Variants in SPINK9 observed in about 807,000 individuals in gnomAD.
SPINK9 encodes the protein serine protease inhibitor Kazal-type 9.
In SPINK9, 3 loss-of-function variants were observed where a neutral mutation model predicts 10.8. The ratio of observed to expected loss-of-function variants is 0.28; its 90% confidence interval spans 0.13 to 0.72. The LOEUF (loss-of-function observed/expected upper bound fraction) is 0.72, where lower values mean the gene tolerates loss of function less well. Ranked by LOEUF, SPINK9 falls within the 30% of genes least tolerant of loss-of-function variation. The pLI is 0.74. For synonymous variants in SPINK9, 30 were observed against 31.2 expected, an observed-to-expected ratio of 0.96 and a Z score of 0.12; for missense variants, 101 against 103.2, an observed-to-expected ratio of 0.98 and a Z score of 0.09.
chr5:148,326,848 A>G (rs924686904), intron 2 of SPINK9, among the ~76,000 whole-genome samples: 1 of 151,590 alleles, frequency 6.6e-6, no homozygotes, highest in Admixed American at 6.6e-5. Flanking sequence ...TGAACTCATC[A>G]TTTTTTATGG....
chr5:148,325,659 A>C (rs542602401), intron 2 of SPINK9, among the ~76,000 whole-genome samples: 53 of 152,254 alleles, frequency 3.5e-4, no homozygotes, highest in African/African-American at 1.2e-3. Flanking sequence ...AGTGTCTCAT[A>C]AGATACATGA....
At chr5:148,330,128 A>G (rs994296373) in intron 2 of SPINK9, among the ~76,000 whole-genome samples, 1 of 152,002 alleles carries the variant, frequency 6.6e-6, no homozygotes, top group Non-Finnish European at 1.5e-5. Context: ...CATTATTATT[A>G]TGTGGGAGTC....
intron 2 of SPINK9, among the ~76,000 whole-genome samples, chr5:148,338,075 C>T (rs768001420): frequency 1.3e-5 from 2 of 152,076 alleles, no homozygotes; most frequent in Non-Finnish European, 2.9e-5. Context: ...ACATTTCACA[C>T]TTGCATTCAT....
upstream of SPINK9, among the ~76,000 whole-genome samples, chr5:148,330,876 A>G (rs192201952): frequency 3.9e-5 from 6 of 152,048 alleles, no homozygotes; most frequent in East Asian, 1.2e-3. Flanking sequence ...TGGGCGTAGG[A>G]CCCTCCGAGC....
At chr5:148,335,836 G>A (rs1455511045) in intron 1 of SPINK9, among the ~76,000 whole-genome samples, 168 bp downstream of exon 1, 1 of 152,104 alleles carries the variant, frequency 6.6e-6, no homozygotes, top group Non-Finnish European at 1.5e-5. Flanking sequence ...ATCACCTCAG[G>A]GGTAGAGTGG....
chr5:148,337,358 C>T (rs1757230486), intron 2 of SPINK9, among the ~76,000 whole-genome samples: 1 of 152,144 alleles, frequency 6.6e-6, no homozygotes, highest in Non-Finnish European at 1.5e-5. Flanking sequence ...ATCTTTGCAT[C>T]AGCTCCACTA....
intron 1 of SPINK9, among the ~76,000 whole-genome samples, chr5:148,322,783 A>G (rs988335593): frequency 6.6e-6 from 1 of 152,208 alleles, no homozygotes; most frequent in African/African-American, 2.4e-5. Context: ...CTAAGGAAAC[A>G]TCTAGCTTCA....
chr5:148,325,337 C>A (rs1198468426), intron 2 of SPINK9, among the ~76,000 whole-genome samples: 1 of 151,978 alleles, frequency 6.6e-6, no homozygotes, highest in Non-Finnish European at 1.5e-5. Flanking sequence ...GAGGAGCTAC[C>A]AAACTATTTT....
At chr5:148,324,428 C>G (rs1757033192) in intron 2 of SPINK9, among the ~76,000 whole-genome samples, 1 of 151,896 alleles carries the variant, frequency 6.6e-6, no homozygotes, top group Non-Finnish European at 1.5e-5. Context: ...CAGACACTGC[C>G]CTTACTCAAG....
At chr5:148,328,687 A>C (rs1243644877) in intron 2 of SPINK9, among the ~76,000 whole-genome samples, 2 of 152,104 alleles carry the variant, frequency 1.3e-5, no homozygotes, top group Non-Finnish European at 2.9e-5. Flanking sequence ...ATCAATACCT[A>C]ATTTATTGAG....
intron 1 of SPINK9, among the ~76,000 whole-genome samples, chr5:148,322,291 T>C (rs1757008182): frequency 6.6e-6 from 1 of 152,238 alleles, no homozygotes; most frequent in Admixed American, 6.5e-5. Flanking sequence ...TTTACCCCTG[T>C]GTGTGGTACA....
chr5:148,322,001 T>G (rs1232448474), intron 1 of SPINK9, among the ~76,000 whole-genome samples: 1 of 152,224 alleles, frequency 6.6e-6, no homozygotes, highest in Non-Finnish European at 1.5e-5. Flanking sequence ...ATGTTTTATG[T>G]TTGTTATTTC....
intron 2 of SPINK9, among the ~76,000 whole-genome samples, chr5:148,324,674 AC>A (rs1175563867): frequency 6.6e-6 from 1 of 152,048 alleles, no homozygotes; most frequent in Non-Finnish European, 1.5e-5. Context: ...CTTGAAGAAG[AC>A]TGAAGAACAT....
At chr5:148,328,831 C>T (rs1347444398) in intron 2 of SPINK9, among the ~76,000 whole-genome samples, 6 of 152,152 alleles carry the variant, frequency 3.9e-5, no homozygotes, top group African/African-American at 1.4e-4. Flanking sequence ...GTTGAACCAG[C>T]CTTGCATCCC....
At chr5:148,335,498 A>G (rs983686348), upstream of SPINK9, 3 of 863,298 alleles carry the variant, frequency 3.5e-6, no homozygotes, top group Non-Finnish European at 5.5e-6. Flanking sequence ...AGAAATTGCT[A>G]TTTCACAATT....
At chr5:148,326,958 A>G (rs1379189377) in intron 2 of SPINK9, among the ~76,000 whole-genome samples, 2 of 151,376 alleles carry the variant, frequency 1.3e-5, no homozygotes, top group Admixed American at 6.6e-5. Context: ...ATTGTGAATA[A>G]TGCCGCAATA....
At chr5:148,333,198 C>T (rs1054999328), upstream of SPINK9, among the ~76,000 whole-genome samples, 1 of 152,150 alleles carries the variant, frequency 6.6e-6, no homozygotes, top group Non-Finnish European at 1.5e-5. Context: ...CCCACATTCC[C>T]ACTTCATCTA....
intron 2 of SPINK9, among the ~76,000 whole-genome samples, chr5:148,324,658 T>C (rs1757036061): frequency 6.6e-6 from 1 of 152,052 alleles, no homozygotes; most frequent in African/African-American, 2.4e-5. Context: ...TGTTTCAATG[T>C]TATGCCTTGA....
intron 2 of SPINK9, among the ~76,000 whole-genome samples, chr5:148,329,191 T>C (rs920292360): frequency 5.9e-5 from 9 of 152,318 alleles, no homozygotes; most frequent in South Asian, 2.1e-4. Context: ...GAGCCTGTTA[T>C]TGGTCTATTC....
Sources: allele counts gnomAD v4.1 joint callset (sites outside exome capture counted in the v4.1 genomes callset), GRCh38; gene constraint gnomAD v4.1.1; transcripts MANE v1.5; gene names NCBI Gene and HGNC (gene_info 2026-07-23, HGNC 2026-07-21).